The following NEBL variants were observed in gnomAD, a reference collection of about 807,000 sequenced individuals.
NEBL encodes the protein nebulette.
NEBL carries 122 observed loss-of-function variants against 140.2 expected under a neutral mutation model. That is an observed-to-expected ratio of 0.87 (90% CI 0.75 to 1.01). NEBL has a LOEUF of 1.01. NEBL is among the 50% of genes least tolerant of loss of function. The pLI is 0.00. For missense variants in NEBL, 1,365 were observed against 1,231.3 expected, an observed-to-expected ratio of 1.11 and a Z score of -1.62; for synonymous variants, 436 against 398.9, an observed-to-expected ratio of 1.09 and a Z score of -1.11.
chr10:20,978,395 G>A (rs1836889031), intron 3 of NEBL, among the ~76,000 whole-genome samples: 1 of 150,658 alleles, frequency 6.6e-6, no homozygotes, highest in Admixed American at 6.6e-5. Context: ...TCCTATTTAT[G>A]ACATTTCTCA....
intron 2 of NEBL, among the ~76,000 whole-genome samples, chr10:21,162,981 T>G (rs1398363452): frequency 1.3e-5 from 2 of 152,248 alleles, no homozygotes; most frequent in African/African-American, 2.4e-5. Context: ...TGCCTGAAAC[T>G]CTGCTAAGCT....
intron 4 of NEBL, among the ~76,000 whole-genome samples, chr10:20,915,597 A>G (rs1848518757): frequency 6.6e-6 from 1 of 151,644 alleles, no homozygotes; most frequent in African/African-American, 2.4e-5. Flanking sequence ...ATCATTTTTT[A>G]TGGCTGCATA....
intron 4 of NEBL, among the ~76,000 whole-genome samples, chr10:20,928,094 T>A (rs966968863): frequency 2.0e-5 from 3 of 152,198 alleles, no homozygotes; most frequent in African/African-American, 7.2e-5. Context: ...AGTTTACATA[T>A]TTTTTAGCTA....
intron 4 of NEBL, among the ~76,000 whole-genome samples, chr10:20,932,704 C>T (rs1834254455): frequency 6.6e-6 from 1 of 152,210 alleles, no homozygotes; most frequent in South Asian, 2.1e-4. Context: ...AATAGACTTG[C>T]TATTACGTAT....
At chr10:21,069,968 T>A (rs1364189304) in intron 2 of NEBL, 1 of 456,264 alleles carries the variant, frequency 2.2e-6, no homozygotes, top group Non-Finnish European at 4.4e-6. Context: ...GCTTAGGGAC[T>A]GCGCCCCTGG....
chr10:20,958,048 T>C (rs1240879966), intron 4 of NEBL, among the ~76,000 whole-genome samples: 1 of 152,234 alleles, frequency 6.6e-6, no homozygotes, highest in East Asian at 1.9e-4. Context: ...TTTGAGATCC[T>C]GCTGCAGGTA....
chr10:20,944,914 C>A (rs188944721), intron 4 of NEBL, among the ~76,000 whole-genome samples: 1 of 152,212 alleles, frequency 6.6e-6, no homozygotes, highest in Admixed American at 6.5e-5. Flanking sequence ...GCCACAAGAT[C>A]CCATATGACA....
chr10:21,005,945 T>C lies in NEBL; in HGVS notation c.249+14172A>G, dbSNP rs73607570. Among the ~76,000 whole-genome samples, 805 of 152,218 alleles carry C rather than the reference T, an allele frequency of 5.3e-3. 6 individuals carry two copies. Among genetic ancestry groups the C allele is most frequent in the African/African-American group, 0.019 (784 of 41,522 alleles). ...ACCTGGAATATATTAATCCATATTT[T>C]TCTACCTATACATATATTCCTAATC... On this transcript the variant is annotated intron_variant, in intron 3 of 6. Transcript: ENST00000417816.
intron 2 of NEBL, among the ~76,000 whole-genome samples, chr10:21,115,685 G>A (rs1838252458): frequency 6.6e-6 from 1 of 151,868 alleles, no homozygotes; most frequent in East Asian, 1.9e-4. Context: ...CCTTGGTGTA[G>A]TTTTTTTCAC....
chr10:20,928,737 C>A (rs1758476339), intron 4 of NEBL, among the ~76,000 whole-genome samples: 1 of 152,172 alleles, frequency 6.6e-6, no homozygotes, highest in Non-Finnish European at 1.5e-5. Flanking sequence ...GAACTTTGCT[C>A]CTGCTGTAAT....
At chr10:20,802,252 C>G (rs1588634261) in intron 26 of NEBL, among the ~76,000 whole-genome samples, 1 of 152,110 alleles carries the variant, frequency 6.6e-6, no homozygotes, top group African/African-American at 2.4e-5. Context: ...GAGGCAAACA[C>G]AAAGATCAAA....
At chr10:20,896,018 T>C (rs143906130) in intron 2 of NEBL, among the ~76,000 whole-genome samples, 1,954 of 152,274 alleles carry the variant, frequency 0.013, 41 homozygotes, top group African/African-American at 0.045. Flanking sequence ...CTTTGGAGGA[T>C]GTGCCAGACC....
intron 12 of NEBL, among the ~76,000 whole-genome samples, chr10:20,844,046 A>G (rs1277639116): frequency 6.6e-6 from 1 of 152,130 alleles, no homozygotes; most frequent in Non-Finnish European, 1.5e-5. Flanking sequence ...TCAACTTCAA[A>G]AATTTTTACT....
At chr10:21,244,309 G>C (rs986012363) in intron 3 of NEBL, among the ~76,000 whole-genome samples, 1 of 151,320 alleles carries the variant, frequency 6.6e-6, no homozygotes, top group African/African-American at 2.4e-5. Flanking sequence ...GGGATTACAG[G>C]CACCTGCCAC....
intron 13 of NEBL, 151 bp downstream of exon 13, chr10:20,840,588 T>A (rs1841321183): frequency 1.6e-6 from 1 of 626,124 alleles, no homozygotes; most frequent in South Asian, 2.0e-5. Flanking sequence ...TTAAAAAAAA[T>A]TAATAGTCCA....
At chr10:21,108,694 T>C (rs1195606521) in intron 2 of NEBL, among the ~76,000 whole-genome samples, 1 of 152,330 alleles carries the variant, frequency 6.6e-6, no homozygotes, top group East Asian at 1.9e-4. Flanking sequence ...GGTCCAGAGC[T>C]GGGTTCAAGT....
Position 21,284,902 on chromosome 10 carries a change from T to C in NEBL, n.182+7928A>G, listed in dbSNP as rs140757865. Among the ~76,000 whole-genome samples, 9 of 152,300 alleles carry C rather than the reference T, an allele frequency of 5.9e-5. No individual in the cohort carries two copies. The East Asian group carries it at 1.7e-3, about 29-fold the overall frequency. ...TTGTGAACTGATTGTGCATTTTGTA[T>C]GAAAAAGCACCATTCACAGGGCATG... is the stretch of plus-strand genomic sequence containing the variant. On this transcript the variant is annotated intron_variant and non_coding_transcript_variant, in intron 1 of 8. Transcript: ENST00000675702.
intron 2 of NEBL, among the ~76,000 whole-genome samples, chr10:21,036,751 T>C (rs1211271625): frequency 2.0e-5 from 3 of 151,996 alleles, no homozygotes; most frequent in Non-Finnish European, 4.4e-5. Flanking sequence ...GATTTAAGCT[T>C]GTCTCTACAG....
intron 3 of NEBL, among the ~76,000 whole-genome samples, chr10:21,199,158 G>A (rs1841695869): frequency 6.6e-6 from 1 of 151,594 alleles, no homozygotes; most frequent in African/African-American, 2.4e-5. Context: ...CTGAGTTGCT[G>A]GGACGACGGG....
Sources: allele counts gnomAD v4.1 joint callset (sites outside exome capture counted in the v4.1 genomes callset), GRCh38; gene constraint gnomAD v4.1.1; transcripts MANE v1.5; gene names NCBI Gene and HGNC (gene_info 2026-07-23, HGNC 2026-07-21).